Variants in EPB41 observed in about 807,000 individuals in gnomAD.
EPB41 encodes the protein erythrocyte membrane protein band 4.1, also known as protein 4.1.
In EPB41, 65 loss-of-function variants were observed where a neutral mutation model predicts 108.0. The observed-to-expected ratio is 0.60, with a 90% CI of 0.49 to 0.74. The LOEUF is 0.74. EPB41 is among the 30% of genes least tolerant of loss of function. The pLI is 0.00. For synonymous variants in EPB41, 336 were observed against 358.9 expected, an observed-to-expected ratio of 0.94 and a Z score of 0.72; for missense variants, 875 against 1,037.0, an observed-to-expected ratio of 0.84 and a Z score of 2.15.
At chr1:29,029,718 T>C (rs1392025420) in intron 7 of EPB41, among the ~76,000 whole-genome samples, 1 of 152,200 alleles carries the variant, frequency 6.6e-6, no homozygotes, top group Non-Finnish European at 1.5e-5. Context: ...AGACTGACTG[T>C]TTTCAAACAA....
rs182153923 is a variant in EPB41 at position 29,053,366 on chromosome 1, A to T, written c.1845+54A>T. 2.6e-5 allele frequency: 42 copies of T among 1,599,650 alleles called. 1 individual carries two copies. The East Asian group carries it at 9.2e-4, about 35-fold the overall frequency. Reference sequence around the variant, plus strand: ...ACTCACTTTCTGATTTAGAGGCCTTAACTTTTTGACCAGGAACGTTTTCAA... The same window carrying T: ...ACTCACTTTCTGATTTAGAGGCCTTTACTTTTTGACCAGGAACGTTTTCAA... On this transcript the variant is annotated intron_variant, in intron 12 of 20. Coordinates refer to ENST00000343067, the MANE Select transcript of EPB41 (RefSeq NM_001376013.1).
Position 29,018,578 on chromosome 1 carries a change from G to A in EPB41, c.1124+136G>A. 1.1e-6 allele frequency: 1 copy of A among 913,080 alleles called. No homozygotes were observed. The allele number at this position is 913,080 out of a possible 1,614,324, so 56.6% of individuals were successfully genotyped here. On this transcript the variant is annotated intron_variant, in intron 7 of 20. Transcript: ENST00000343067. The surrounding 1 kb of genome is among the most constrained non-coding windows in gnomAD (Gnocchi z 4.4). ...TCAGTTTCCTCCACTGTTTGACTTT[G>A]GGCAGGTTACTTAACCTCTCTTAAT...
chr1:29,087,624 G>T (rs1288549259), intron 16 of EPB41, among the ~76,000 whole-genome samples: 1 of 152,130 alleles, frequency 6.6e-6, no homozygotes, highest in Non-Finnish European at 1.5e-5. Flanking sequence ...GCCTCCCAAA[G>T]TGCTGGGATT....
intron 1 of EPB41, among the ~76,000 whole-genome samples, chr1:28,973,989 G>C (rs1162330383): frequency 6.6e-6 from 1 of 152,172 alleles, no homozygotes; most frequent in African/African-American, 2.4e-5. Flanking sequence ...AGCAGCTCTT[G>C]AAATTTGTTA....
At chr1:28,983,448 A>G (rs1310522462) in intron 1 of EPB41, among the ~76,000 whole-genome samples, 1 of 152,028 alleles carries the variant, frequency 6.6e-6, no homozygotes, top group African/African-American at 2.4e-5. Context: ...CAGCATTGGC[A>G]ACATCTTATT....
intron 1 of EPB41, among the ~76,000 whole-genome samples, chr1:28,959,422 G>A (rs1262801775): frequency 6.6e-6 from 1 of 151,932 alleles, no homozygotes; most frequent in African/African-American, 2.4e-5. Flanking sequence ...TCGCCATGTT[G>A]GCTAGGCTGG....
rs568611323 is a variant in EPB41 at position 29,037,293 on chromosome 1, G to C, written c.1463+1370G>C. Among the ~76,000 whole-genome samples, 257 of 151,676 alleles carry C rather than the reference G, an allele frequency of 1.7e-3. 1 individual carries two copies. The highest frequency in any genetic ancestry group is 3.0e-3 in the Non-Finnish European group (205 of 67,912). On this transcript the variant is annotated intron_variant, in intron 10 of 20. Coordinates refer to ENST00000343067, the MANE Select transcript of EPB41 (RefSeq NM_001376013.1). ...GATGGAGTTTCACTACGTTGACCAGGCTGGTCTCGAACTCCTGACCTCAAG... is the reference window on the plus strand; with the variant it reads ...GATGGAGTTTCACTACGTTGACCAGCCTGGTCTCGAACTCCTGACCTCAAG...
chr1:28,929,349 C>T (rs2093613903), intron 1 of EPB41, among the ~76,000 whole-genome samples: 1 of 151,628 alleles, frequency 6.6e-6, no homozygotes, highest in East Asian at 1.9e-4. Context: ...CCTCAGCCTC[C>T]CAAGTAGCTG....
At chr1:28,901,914 T>G (rs1387126044) in intron 1 of EPB41, among the ~76,000 whole-genome samples, 1 of 152,226 alleles carries the variant, frequency 6.6e-6, no homozygotes, top group Non-Finnish European at 1.5e-5. Context: ...CCATAGCACT[T>G]ATGACTCTTT....
intron 12 of EPB41, chr1:29,054,475 C>A (rs1645015905): frequency 6.7e-6 from 1 of 148,280 alleles, no homozygotes; most frequent in African/African-American, 2.5e-5. Flanking sequence ...TCTTTTGGAG[C>A]CAGATCAATA....
intron 1 of EPB41, among the ~76,000 whole-genome samples, chr1:28,949,337 G>C (rs2094610642): frequency 1.3e-5 from 2 of 152,092 alleles, no homozygotes; most frequent in Admixed American, 6.6e-5. Flanking sequence ...CCAGCTACTT[G>C]GGAGGTTAAG....
intron 16 of EPB41, among the ~76,000 whole-genome samples, chr1:29,074,335 A>G (rs759167850): frequency 6.6e-6 from 1 of 152,150 alleles, no homozygotes; most frequent in Non-Finnish European, 1.5e-5. Context: ...ATACATAGAA[A>G]CTTCACTTTT....
At chr1:29,047,844 CG>C (rs1446849626) in intron 11 of EPB41, among the ~76,000 whole-genome samples, 3 of 100,528 alleles carry the variant, frequency 3.0e-5, no homozygotes, top group African/African-American at 1.1e-4. Flanking sequence ...GCTGGAATGG[CG>C]TGATCTCGGC....
chr1:28,947,374 C>CT (rs1323008739), intron 1 of EPB41, among the ~76,000 whole-genome samples: 1 of 151,806 alleles, frequency 6.6e-6, no homozygotes, highest in Non-Finnish European at 1.5e-5. Flanking sequence ...CACCACTGCA[C>CT]TCCCGTCTGG....
At chr1:28,916,103 T>A (rs1025879494) in intron 1 of EPB41, among the ~76,000 whole-genome samples, 3 of 152,198 alleles carry the variant, frequency 2.0e-5, no homozygotes, top group African/African-American at 7.2e-5. Flanking sequence ...TCGCCAGTTG[T>A]AAAATTTTTG....
intron 17 of EPB41, among the ~76,000 whole-genome samples, chr1:29,106,564 ATTTTTTTTT>A (rs1187973613): frequency 3.9e-5 from 2 of 50,882 alleles, no homozygotes; most frequent in African/African-American, 8.5e-5. Flanking sequence ...AGTAGCTGGG[ATTTTTTTTT>A]TTTTTTTTTT....
chr1:28,987,991 G>A lies in EPB41; in HGVS notation c.468+86G>A, dbSNP rs140207950. ...ATTTAAGAGTATTTGGGCTGGGCGCGGTGGCTCATGCCTGTAATTCCACCA... is the reference window on the plus strand; with the variant it reads ...ATTTAAGAGTATTTGGGCTGGGCGCAGTGGCTCATGCCTGTAATTCCACCA... On this transcript the variant is annotated intron_variant, in intron 2 of 20. Transcript: ENST00000343067. 9.8e-4 allele frequency: 1,372 copies of A among 1,405,116 alleles called. 7 individuals carry two copies. The East Asian group carries it at 0.016, about 16-fold the overall frequency. The allele number at this position is 1,405,116 out of a possible 1,614,324, so 87.0% of individuals were successfully genotyped here. A position where few individuals can be genotyped will look rare whatever the true frequency, so the allele number is the denominator to read the frequency against.
intron 1 of EPB41, among the ~76,000 whole-genome samples, chr1:28,915,731 C>CTTTTTTTTTTTTTTTTTTTTTTGTT (rs11321625): frequency 3.6e-5 from 2 of 56,074 alleles, no homozygotes; most frequent in African/African-American, 1.6e-4. Context: ...TTTTCAGATG[C>CTTTTTTTTTTTTTTTTTTTTTTGTT]TTTTTTTTTT....
chr1:29,019,917 A>G lies in EPB41; in HGVS notation c.1124+1475A>G, dbSNP rs146034697. Among the ~76,000 whole-genome samples the G allele has an allele frequency of 5.4e-3, 822 of 152,270 alleles. 2 individuals carry two copies. The highest frequency in any genetic ancestry group is 7.2e-3 in the Non-Finnish European group (488 of 68,030). ...AGTTACCCATCTCTCTTGGGGTCAC[A>G]CTATTTCCAAAGAGAACTGCACGTT... is the stretch of plus-strand genomic sequence containing the variant. On this transcript the variant is annotated intron_variant, in intron 7 of 20. Transcript: ENST00000343067.
Sources: gnomAD v4.1 joint callset for allele counts (sites outside exome capture counted in the v4.1 genomes callset) on GRCh38, gnomAD v4.1.1 for gene constraint, Gnocchi (gnomAD v3.1) non-coding constraint, MANE v1.5 for transcripts, NCBI Gene and HGNC (gene_info 2026-07-23, HGNC 2026-07-21) for gene names.